LRBA: variants seen among roughly 807,000 people sequenced by gnomAD.
LRBA encodes the protein lipopolysaccharide-responsive and beige-like anchor protein.
In LRBA, 176 loss-of-function variants were observed where a neutral mutation model predicts 330.0. That is an observed-to-expected ratio of 0.53 (90% CI 0.47 to 0.60). The LOEUF (loss-of-function observed/expected upper bound fraction) is 0.60, where lower values mean the gene tolerates loss of function less well. LRBA is among the 20% of genes least tolerant of loss of function. The pLI is 0.00. For missense variants in LRBA, 3,259 were observed against 3,444.8 expected, an observed-to-expected ratio of 0.95 and a Z score of 1.35; for synonymous variants, 1,230 against 1,193.0, an observed-to-expected ratio of 1.03 and a Z score of -0.64.
At chr4:150,566,813 T>C (rs570767660) in intron 40 of LRBA, among the ~76,000 whole-genome samples, 5 of 152,228 alleles carry the variant, frequency 3.3e-5, no homozygotes, top group Admixed American at 6.5e-5. Flanking sequence ...ACTTATGAAA[T>C]AGAATGCCAT....
chr4:150,641,840 T>G (rs761245904), intron 37 of LRBA, among the ~76,000 whole-genome samples: 7 of 151,998 alleles, frequency 4.6e-5, no homozygotes, highest in Non-Finnish European at 1.0e-4. Context: ...ATTTATCAGA[T>G]CAAGCAAATC....
At chr4:150,774,022 A>G (rs1166466841) in intron 34 of LRBA, among the ~76,000 whole-genome samples, 1 of 152,254 alleles carries the variant, frequency 6.6e-6, no homozygotes. Flanking sequence ...GATTAACAGT[A>G]TAAATTTTGG....
chr4:150,268,962 T>C (rs1057319434), intron 56 of LRBA, among the ~76,000 whole-genome samples: 18 of 150,334 alleles, frequency 1.2e-4, no homozygotes, highest in African/African-American at 4.2e-4. Context: ...ACAGATGACA[T>C]GATCTTGTAT....
chr4:150,379,142 A>C (rs1741800645), intron 47 of LRBA, among the ~76,000 whole-genome samples: 1 of 151,814 alleles, frequency 6.6e-6, no homozygotes, highest in African/African-American at 2.4e-5. Context: ...GCCTCTACTA[A>C]AAATACAAAA....
chr4:150,279,943 G>A (rs1183889272), intron 55 of LRBA, among the ~76,000 whole-genome samples: 1 of 152,146 alleles, frequency 6.6e-6, no homozygotes, highest in Non-Finnish European at 1.5e-5. Flanking sequence ...GATACTTGAA[G>A]CTTTTTACTG....
intron 40 of LRBA, among the ~76,000 whole-genome samples, chr4:150,551,431 C>T (rs112844304): frequency 2.6e-5 from 4 of 152,106 alleles, no homozygotes; most frequent in Non-Finnish European, 4.4e-5. Flanking sequence ...GTAATCTTAG[C>T]ATTTTGGGAG....
intron 35 of LRBA, among the ~76,000 whole-genome samples, chr4:150,752,883 A>G (rs969821784): frequency 1.3e-5 from 2 of 152,170 alleles, no homozygotes; most frequent in African/African-American, 4.8e-5. Context: ...GAAATAATCT[A>G]TTCTCTAGAA....
intron 40 of LRBA, among the ~76,000 whole-genome samples, chr4:150,557,404 A>C (rs1767465693): frequency 6.6e-6 from 1 of 152,154 alleles, no homozygotes; most frequent in African/African-American, 2.4e-5. Context: ...TCATTTTATA[A>C]CCATCATCAC....
At chr4:150,351,801 T>C (rs1443207211) in intron 47 of LRBA, among the ~76,000 whole-genome samples, 1 of 152,214 alleles carries the variant, frequency 6.6e-6, no homozygotes, top group East Asian at 1.9e-4. Flanking sequence ...CCAAACCCTA[T>C]ACCTATATGT....
At chr4:150,282,384 T>TA (rs1747647810) in intron 55 of LRBA, 66 bp downstream of exon 55, 1 of 1,426,576 alleles carries the variant, frequency 7.0e-7, no homozygotes, top group African/African-American at 1.4e-5. Context: ...GCGAACCCTC[T>TA]CCCTCCCCAC....
chr4:150,540,022 T>C (rs996823732), intron 40 of LRBA, among the ~76,000 whole-genome samples: 4 of 152,232 alleles, frequency 2.6e-5, no homozygotes, highest in Non-Finnish European at 4.4e-5. Flanking sequence ...ATTTGAAGTA[T>C]ACTGAATAGC....
At chr4:151,005,400 T>C (rs1370556264) in intron 2 of LRBA, among the ~76,000 whole-genome samples, 4 of 122,900 alleles carry the variant, frequency 3.3e-5, no homozygotes, top group African/African-American at 6.7e-5. Context: ...ATCGCACTAT[T>C]GCACTTCAGC....
rs749223894 is a variant in LRBA at position 150,929,079 on chromosome 4, A to G, written c.217-14T>C. The G allele has an allele frequency of 3.2e-6, 5 of 1,554,436 alleles. No homozygotes were observed. In the Admixed American group the frequency reaches 8.7e-5, roughly 27 times the overall value. ...TCCTCCTACCAACTTACAAGGAAAA[A>G]AAAAAAACACATTAAAAGCATTAGT... On this transcript the variant is annotated splice_polypyrimidine_tract_variant and intron_variant, in intron 2 of 56. Transcript: ENST00000651943.
intron 34 of LRBA, among the ~76,000 whole-genome samples, chr4:150,774,596 A>G (rs778763301): frequency 6.6e-6 from 1 of 152,258 alleles, no homozygotes; most frequent in Non-Finnish European, 1.5e-5. Context: ...AACGGGAAGT[A>G]TAAGGATAAT....
At position 150,697,179 on chromosome 4, in the gene LRBA, G is replaced by C. The variant is rs564774803; in HGVS notation, c.5755-13462C>G. Among the ~76,000 whole-genome samples, 3 of 151,594 alleles carry C rather than the reference G, an allele frequency of 2.0e-5. No homozygotes were observed. In the East Asian group the frequency reaches 5.9e-4, roughly 30 times the overall value. The stretch of plus-strand genomic sequence containing the variant: ...ATCTCTACTAAAAATACAAAAATTA[G>C]CCTGGCATGGTGGCAGGAGTCTGTA... On this transcript the variant is annotated intron_variant, in intron 36 of 56. Transcript: ENST00000651943.
intron 40 of LRBA, among the ~76,000 whole-genome samples, chr4:150,530,010 C>T (rs1157913266): frequency 6.6e-6 from 1 of 152,116 alleles, no homozygotes; most frequent in Non-Finnish European, 1.5e-5. Flanking sequence ...TAGACTAAGC[C>T]ATCCTTGACT....
intron 31 of LRBA, 24 bp downstream of exon 31, chr4:150,817,100 T>A (rs1298257324): frequency 1.9e-6 from 3 of 1,602,374 alleles, no homozygotes; most frequent in Non-Finnish European, 2.6e-6. Context: ...ACATTTTTGT[T>A]GAAATCACTG....
intron 47 of LRBA, among the ~76,000 whole-genome samples, chr4:150,381,351 C>T (rs1159403848): frequency 6.6e-6 from 1 of 152,190 alleles, no homozygotes; most frequent in Non-Finnish European, 1.5e-5. Context: ...ATGGCACTCA[C>T]TCCCATTTCC....
chr4:150,851,857 A>G (rs1420817238), intron 23 of LRBA, 28 bp downstream of exon 23: 1 of 1,549,584 alleles, frequency 6.5e-7, no homozygotes, highest in Non-Finnish European at 8.7e-7. Flanking sequence ...GTGCAAAAGT[A>G]CTTGAATAAG....
Sources: allele counts gnomAD v4.1 joint callset (sites outside exome capture counted in the v4.1 genomes callset), GRCh38; gene constraint gnomAD v4.1.1; transcripts MANE v1.5; gene names NCBI Gene and HGNC (gene_info 2026-07-23, HGNC 2026-07-21).